Variants in FSTL4 observed in about 807,000 individuals in gnomAD.
FSTL4 encodes follistatin like 4, also known as follistatin-related protein 4.
A neutral mutation model predicts 78.2 loss-of-function variants in FSTL4; 28 were observed. That is an observed-to-expected ratio of 0.36 (90% CI 0.27 to 0.49). FSTL4 has a LOEUF of 0.49. Ranked by LOEUF, FSTL4 falls within the 20% of genes least tolerant of loss-of-function variation. The pLI is 0.98. For missense variants in FSTL4, 922 were observed against 1,084.9 expected, an observed-to-expected ratio of 0.85 and a Z score of 2.11; for synonymous variants, 422 against 440.5, an observed-to-expected ratio of 0.96 and a Z score of 0.53.
At chr5:133,718,670 C>G in the FSTL4 span, among the ~76,000 whole-genome samples, 2 of 152,184 alleles carry the variant, frequency 1.3e-5, no homozygotes, top group East Asian at 3.9e-4. Flanking sequence ...GATGTCATAA[C>G]ATCATTTTTA....
chr5:133,507,731 C>T (rs916723963), intron 3 of FSTL4, among the ~76,000 whole-genome samples: 5 of 151,768 alleles, frequency 3.3e-5, no homozygotes, highest in Non-Finnish European at 7.4e-5. Context: ...CTATGTTGGC[C>T]AGGATGGTCT....
chr5:133,631,019 C>A, the FSTL4 span, among the ~76,000 whole-genome samples: 1 of 152,090 alleles, frequency 6.6e-6, no homozygotes, highest in East Asian at 1.9e-4. Flanking sequence ...AAGACTTAAA[C>A]GTAAAACCTA....
chr5:133,789,484 T>C, the FSTL4 span, among the ~76,000 whole-genome samples: 2 of 152,232 alleles, frequency 1.3e-5, no homozygotes, highest in African/African-American at 4.8e-5. Context: ...TTCAAATTCA[T>C]TGAATTTTTA....
At chr5:133,295,125 T>G (rs948478470) in intron 6 of FSTL4, among the ~76,000 whole-genome samples, 1 of 152,172 alleles carries the variant, frequency 6.6e-6, no homozygotes, top group African/African-American at 2.4e-5. Flanking sequence ...CCCGACCTTC[T>G]TCTCCCTCCT....
chr5:133,412,554 T>C lies in FSTL4; in HGVS notation c.161-11568A>G, dbSNP rs1756496623. The stretch of plus-strand genomic sequence containing the variant: ...TAAATTATTTCTATTAAATAATGAG[T>C]AGACAGAAAAGAACACTTATCCACT... On this transcript the variant is annotated intron_variant, in intron 3 of 15. Coordinates refer to ENST00000265342, the MANE Select transcript of FSTL4 (RefSeq NM_015082.2). 4.6e-5 allele frequency among the ~76,000 whole-genome samples: 7 copies of C among 152,188 alleles called. No individual in the cohort carries two copies. In the South Asian group the frequency reaches 1.5e-3, roughly 32 times the overall value.
intron 4 of FSTL4, among the ~76,000 whole-genome samples, chr5:133,328,645 C>G (rs1754271906): frequency 6.6e-6 from 1 of 152,192 alleles, no homozygotes; most frequent in Non-Finnish European, 1.5e-5. Context: ...TGGGCAACAG[C>G]TTCTTATGAA....
At position 133,360,475 on chromosome 5, in the gene FSTL4, T is replaced by TA. The variant is rs1423580351; in HGVS notation, c.409+40262_409+40263insT. ...TTAGAGTTTGTTTTCAGGCAATAAT[T>TA]TTTTTTTTTTTTTTTTTTTTGCAAC... On this transcript the variant is annotated intron_variant, in intron 4 of 15. Transcript: ENST00000265342. 1.5e-3 allele frequency among the ~76,000 whole-genome samples: 36 copies of TA among 23,470 alleles called. No individual in the cohort carries two copies. In the East Asian group the frequency reaches 0.017, roughly 11 times the overall value. 15.4% of individuals were successfully genotyped at this position (23,470 alleles called of 152,430 possible). A position where few individuals can be genotyped will look rare whatever the true frequency, so the allele number is the denominator to read the frequency against.
At chr5:133,557,370 T>C (rs1759812012) in intron 3 of FSTL4, among the ~76,000 whole-genome samples, 1 of 152,230 alleles carries the variant, frequency 6.6e-6, no homozygotes, top group Non-Finnish European at 1.5e-5. Context: ...CACCCAGATG[T>C]GAAATCATTA....
the FSTL4 span, among the ~76,000 whole-genome samples, chr5:133,828,937 G>C: frequency 2.8e-4 from 42 of 152,186 alleles, no homozygotes; most frequent in African/African-American, 8.2e-4. Flanking sequence ...GTGGGGCTAA[G>C]AGGAGCCACA....
rs56959122 is a variant in FSTL4, at chr5:133,380,073, AT to A, written c.409+20664del. On this transcript the variant is annotated intron_variant, in intron 4 of 15. Transcript: ENST00000265342. ...GTGAGACTCTATCTCAAAAAAAAAAATAAAATAAAATAAAACAAATTTCAAA... is the reference window on the plus strand; with the variant it reads ...GTGAGACTCTATCTCAAAAAAAAAAAAAAATAAAATAAAACAAATTTCAAA... Among the ~76,000 whole-genome samples, 401 of 109,624 alleles carry A rather than the reference AT, an allele frequency of 3.7e-3. 4 individuals carry two copies. The highest frequency in any genetic ancestry group is 9.3e-3 in the African/African-American group (285 of 30,706). 71.9% of individuals were successfully genotyped at this position (109,624 alleles called of 152,430 possible).
intron 3 of FSTL4, among the ~76,000 whole-genome samples, chr5:133,536,420 A>G (rs542635575): frequency 9.8e-5 from 15 of 152,286 alleles, no homozygotes; most frequent in African/African-American, 3.6e-4. Context: ...AAGGTGTAAC[A>G]TTGTTTTAAA....
At chr5:133,507,862 AT>A (rs1278201477) in intron 3 of FSTL4, among the ~76,000 whole-genome samples, 1 of 146,388 alleles carries the variant, frequency 6.8e-6, no homozygotes, top group African/African-American at 2.4e-5. Flanking sequence ...AAAATAAAAA[AT>A]AACATAACCA....
chr5:133,527,472 TACACACAC>T (rs3065527), intron 3 of FSTL4, among the ~76,000 whole-genome samples: 5 of 90,650 alleles, frequency 5.5e-5, no homozygotes, highest in Admixed American at 1.3e-4. Context: ...TGTGCACGTG[TACACACAC>T]ACACACACAC....
chr5:133,532,914 C>G (rs1327231163), intron 3 of FSTL4, among the ~76,000 whole-genome samples: 1 of 152,134 alleles, frequency 6.6e-6, no homozygotes, highest in African/African-American at 2.4e-5. Flanking sequence ...ATTCAGAGGA[C>G]AAAACACAGC....
chr5:133,616,310 AATCT>A (rs374635447), upstream of FSTL4, among the ~76,000 whole-genome samples: 3,300 of 147,262 alleles, frequency 0.022, 53 homozygotes, highest in Admixed American at 0.034. Flanking sequence ...TGAAAATCTA[AATCT>A]ATCTATCTAT....
the FSTL4 span, among the ~76,000 whole-genome samples, chr5:133,684,294 C>T: frequency 1.3e-5 from 2 of 152,172 alleles, no homozygotes; most frequent in Admixed American, 6.6e-5. Flanking sequence ...CTGTCCTCCC[C>T]GACCCTCGCA....
the FSTL4 span, among the ~76,000 whole-genome samples, chr5:133,724,897 C>T: frequency 1.6e-4 from 25 of 152,192 alleles, no homozygotes; most frequent in African/African-American, 9.7e-5. Flanking sequence ...TTGTGCATGG[C>T]ATGAAGTAAA....
chr5:133,824,702 C>A, the FSTL4 span, among the ~76,000 whole-genome samples: 2 of 152,178 alleles, frequency 1.3e-5, no homozygotes, highest in African/African-American at 4.8e-5. Flanking sequence ...CTCACCAAGA[C>A]CCCTGTTGCC....
At chr5:133,388,583 G>A (rs1363255952) in intron 4 of FSTL4, 1 of 105,544 alleles carries the variant, frequency 9.5e-6, no homozygotes, top group East Asian at 4.4e-4. Context: ...ACACCAGGTA[G>A]GACTTTTTTT....
Sources: gnomAD v4.1 joint callset for allele counts (sites outside exome capture counted in the v4.1 genomes callset) on GRCh38, gnomAD v4.1.1 for gene constraint, MANE v1.5 for transcripts, NCBI Gene and HGNC (gene_info 2026-07-23, HGNC 2026-07-21) for gene names.